WDR88: variants seen among roughly 807,000 people sequenced by gnomAD.
WDR88 encodes the protein WD repeat domain 88, also known as WD repeat-containing protein 88.
Under a neutral mutation model 46.8 loss-of-function variants are expected in WDR88, and 40 were observed. The ratio of observed to expected loss-of-function variants is 0.86; its 90% confidence interval spans 0.66 to 1.11. WDR88 has a LOEUF of 1.11. Among genes scored for constraint, WDR88 ranks in the 50% most tolerant of loss-of-function variants. WDR88 has a pLI of 0.00. For missense variants in WDR88, 562 were observed against 602.4 expected (o/e 0.93, Z 0.70); for synonymous variants, 235 against 240.7 (o/e 0.98, Z 0.22).
In WDR88 at chr19:33,156,411, G is replaced by A. The variant is rs1323534877; in HGVS notation, c.866G>A (p.Cys289Tyr). ...TTTACCTTCAGTGGCCATTTCCTGT[G>A]TACAAGCTCCTGGGATAAAAACTTA... ...CCFTFSGHFL[C>Y]TSSWDKNLKI... Residue 289 changes from cysteine (C) to tyrosine (Y), a missense_variant, in exon 7 of 11, where the codon TGT becomes TAT. Physicochemically the swap from Cys to Tyr is radical, Grantham distance 194 (BLOSUM62 -2). Coordinates refer to ENST00000355868, the MANE Select transcript of WDR88 (RefSeq NM_173479.4). The A allele has an allele frequency of 6.2e-7, 1 of 1,614,164 alleles. No homozygotes were observed. The highest frequency in any genetic ancestry group is 8.5e-7 in the Non-Finnish European group (1 of 1,180,032).
chr19:33,165,201 C>T (rs1973933688), intron 9 of WDR88, among the ~76,000 whole-genome samples: 2 of 152,078 alleles, frequency 1.3e-5, no homozygotes, highest in Non-Finnish European at 2.9e-5. Context: ...CTGTGTGGCC[C>T]ATTTCCTAAC....
At chr19:33,150,217 C>T (rs924776816) in intron 5 of WDR88, among the ~76,000 whole-genome samples, 3 of 151,746 alleles carry the variant, frequency 2.0e-5, no homozygotes, top group African/African-American at 7.3e-5. Flanking sequence ...TTTGGGAGGC[C>T]GAGGCTGGTG....
intron 7 of WDR88, among the ~76,000 whole-genome samples, chr19:33,159,168 C>T (rs187852854): frequency 6.7e-6 from 1 of 148,178 alleles, no homozygotes; most frequent in South Asian, 2.1e-4. Flanking sequence ...CCATCTCTAC[C>T]AAAACAAAAA....
rs765733742 is a variant in WDR88, at chr19:33,156,534, C to T, written c.989C>T (p.Ala330Val). 2.5e-6 allele frequency: 4 copies of T among 1,612,472 alleles called. No individual in the cohort carries two copies. Among genetic ancestry groups the T allele is most frequent in the East Asian group, 2.2e-5 (1 of 44,854 alleles). Residue 330 changes from alanine to valine, a missense_variant, in exon 7 of 11, where the codon GCC becomes GTC. By Grantham distance (64) the Ala-to-Val change is moderately conservative. Coordinates refer to ENST00000355868, the MANE Select transcript of WDR88 (RefSeq NM_173479.4). ...HEGSVSSCHF[A>V]RDSSFLISGG... is the part of the protein sequence containing the mutation. The stretch of plus-strand genomic sequence containing the variant: ...GGTTCTGTCAGTTCCTGTCACTTTG[C>T]CAGAGACAGTGAGTAATTAACATGC...
chr19:33,148,202 A>G lies in WDR88; in HGVS notation c.540+494A>G, dbSNP rs566513500. On this transcript the variant is annotated intron_variant, in intron 4 of 10. Coordinates refer to ENST00000355868, the MANE Select transcript of WDR88 (RefSeq NM_173479.4). ...TCTCCGTCCATCCCACAGGCTCAAG[A>G]CTCCCACTCGGCCCTGCACCCCTTC... Among the ~76,000 whole-genome samples the G allele has an allele frequency of 4.1e-4, 61 of 150,236 alleles. No individual in the cohort carries two copies. In the East Asian group the frequency reaches 0.011, roughly 27 times the overall value.
intron 9 of WDR88, among the ~76,000 whole-genome samples, chr19:33,170,803 A>C (rs1974025801): frequency 6.6e-6 from 1 of 152,106 alleles, no homozygotes; most frequent in Non-Finnish European, 1.5e-5. Flanking sequence ...CGGAGGTTGT[A>C]GTGAGCTGAG....
At chr19:33,155,876 C>G (rs1201394316) in intron 6 of WDR88, among the ~76,000 whole-genome samples, 6 of 152,216 alleles carry the variant, frequency 3.9e-5, no homozygotes. Context: ...TGCTCCACCT[C>G]CTACAGAACA....
At chr19:33,174,670 T>C (rs138237246) in intron 10 of WDR88, 1 of 985,416 alleles carries the variant, frequency 1.0e-6, no homozygotes, top group African/African-American at 1.7e-5. Flanking sequence ...TCTGTAAAAG[T>C]TGGGTGTTCT....
chr19:33,164,137 T>TTTG, intron 8 of WDR88, 60 bp from the exon 9 acceptor site: 9 of 1,543,664 alleles, frequency 5.8e-6, no homozygotes, highest in Non-Finnish European at 8.1e-6. Context: ...CCAGCTTGTT[T>TTTG]TTGTTGTTCT....
Position 33,141,227 on chromosome 19 carries a change from G to GTTTTTTTTTTTTTTTTT in WDR88, c.387+3453_387+3454insTTTTTTTTTTTTTTTTT, listed in dbSNP as rs745987290. ...GCTGGGATTACAGGTGTGGGAGCAT[G>GTTTTTTTTTTTTTTTTT]TTTTTTTTTTTTTCTTTTTTGACAC... is the stretch of plus-strand genomic sequence containing the variant. On this transcript the variant is annotated intron_variant, in intron 2 of 10. Transcript: ENST00000355868. 7.1e-4 allele frequency among the ~76,000 whole-genome samples: 80 copies of GTTTTTTTTTTTTTTTTT among 113,396 alleles called. 18 individuals carry two copies. Among genetic ancestry groups the GTTTTTTTTTTTTTTTTT allele is most frequent in the African/African-American group, 3.1e-3 (76 of 24,462 alleles). The allele number at this position is 113,396 out of a possible 152,430, so 74.4% of individuals were successfully genotyped here. A position where few individuals can be genotyped will look rare whatever the true frequency, so the allele number is the denominator to read the frequency against.
At chr19:33,135,047 G>A (rs1009670923) in intron 1 of WDR88, among the ~76,000 whole-genome samples, 2 of 96,818 alleles carry the variant, frequency 2.1e-5, no homozygotes, top group Non-Finnish European at 3.8e-5. Flanking sequence ...GCGAGCTGGG[G>A]TGGGTGGGTG....
intron 8 of WDR88, among the ~76,000 whole-genome samples, chr19:33,163,178 A>G (rs891789448): frequency 4.6e-5 from 7 of 151,778 alleles, no homozygotes; most frequent in Non-Finnish European, 7.4e-5. Flanking sequence ...CTAAAAATAC[A>G]AAAAATTAGC....
At chr19:33,145,907 G>GT (rs1445543143) in intron 3 of WDR88, among the ~76,000 whole-genome samples, 1 of 152,112 alleles carries the variant, frequency 6.6e-6, no homozygotes, top group African/African-American at 2.4e-5. Flanking sequence ...ATACATTTAT[G>GT]TTTTTTTGTA....
At position 33,147,625 on chromosome 19, in the gene WDR88, C is replaced by T; in HGVS notation, c.477-20C>T. The stretch of plus-strand genomic sequence containing the variant: ...CTCAAAAAAAAGAACCAGTGTTCGT[C>T]ATCGTCATCTTATTTCCAGAGTCAT... On this transcript the variant is annotated intron_variant, in intron 3 of 10. Coordinates refer to ENST00000355868, the MANE Select transcript of WDR88 (RefSeq NM_173479.4). 6.2e-7 allele frequency: 1 copy of T among 1,612,136 alleles called. No individual in the cohort carries two copies. The highest frequency in any genetic ancestry group is 8.5e-7 in the Non-Finnish European group (1 of 1,179,324).
Position 33,147,547 on chromosome 19 carries a change from G to A in WDR88, c.477-98G>A. 2.6e-6 allele frequency: 3 copies of A among 1,171,988 alleles called. No homozygotes were observed. In the South Asian group the frequency reaches 4.2e-5, roughly 17 times the overall value. The allele number at this position is 1,171,988 out of a possible 1,614,324, so 72.6% of individuals were successfully genotyped here. Reference sequence around the variant, plus strand: ...GAACCTGGGAGGTGGAGGTTGCAGTGAGCCGGTATTGCACCACTGCACTCC... The same window carrying A: ...GAACCTGGGAGGTGGAGGTTGCAGTAAGCCGGTATTGCACCACTGCACTCC... On this transcript the variant is annotated intron_variant, in intron 3 of 10. Coordinates refer to ENST00000355868, the MANE Select transcript of WDR88 (RefSeq NM_173479.4).
intron 3 of WDR88, 122 bp downstream of exon 3, chr19:33,145,054 C>T: frequency 5.4e-6 from 5 of 918,324 alleles, no homozygotes; most frequent in Non-Finnish European, 6.8e-6. Flanking sequence ...ACCATGTGGC[C>T]TAAGCTGGTC....
chr19:33,159,335 A>AAAATAAATAAAT (rs71176202), intron 7 of WDR88, among the ~76,000 whole-genome samples: 5 of 142,686 alleles, frequency 3.5e-5, no homozygotes, highest in African/African-American at 5.2e-5. Context: ...CTTATCTCTA[A>AAAATAAATAAAT]AAATAAATAA....
chr19:33,147,562 C>A, intron 3 of WDR88, 83 bp from the exon 4 acceptor site: 1 of 1,375,452 alleles, frequency 7.3e-7, no homozygotes, highest in South Asian at 1.2e-5. Context: ...GGTATTGCAC[C>A]ACTGCACTCC....
At chr19:33,174,562 A>T in intron 10 of WDR88, 1 of 984,306 alleles carries the variant, frequency 1.0e-6, no homozygotes, top group Non-Finnish European at 1.2e-6. Context: ...CTTTGGCCAG[A>T]AACAGGCTCA....
Sources: allele counts gnomAD v4.1 joint callset (sites outside exome capture counted in the v4.1 genomes callset), GRCh38; gene constraint gnomAD v4.1.1; transcripts MANE v1.5; gene names NCBI Gene and HGNC (gene_info 2026-07-23, HGNC 2026-07-21).